Variants in EPS15 observed in about 807,000 individuals in gnomAD.
EPS15 encodes epidermal growth factor receptor substrate 15.
EPS15 carries 72 observed loss-of-function variants against 113.8 expected under a neutral mutation model. The observed-to-expected ratio is 0.63, with a 90% CI of 0.52 to 0.77. EPS15 has a LOEUF of 0.77. EPS15 is among the 30% of genes least tolerant of loss of function. The pLI, the probability that EPS15 is intolerant of heterozygous loss-of-function variation, is 0.00. For missense variants in EPS15, 1,048 were observed against 1,045.8 expected (o/e 1.00, Z -0.03); for synonymous variants, 344 against 363.4 (o/e 0.95, Z 0.61).
At position 51,451,227 on chromosome 1, in the gene EPS15, G is replaced by A. The variant is rs532563575; in HGVS notation, c.562-3092C>T. 1.2e-3 allele frequency among the ~76,000 whole-genome samples: 177 copies of A among 151,882 alleles called. 1 individual carries two copies. In the South Asian group the frequency reaches 0.035, roughly 30 times the overall value. Reference sequence around the variant, plus strand: ...AGATAGGCTGGGCGTGGTGGCTCACGCCTGTAATCCTAGCACTTTGGGAGG... The same window carrying A: ...AGATAGGCTGGGCGTGGTGGCTCACACCTGTAATCCTAGCACTTTGGGAGG... On this transcript the variant is annotated intron_variant, in intron 8 of 24. Transcript: ENST00000371733.
chr1:51,418,130 C>T (rs781284825), intron 13 of EPS15, among the ~76,000 whole-genome samples: 13 of 152,124 alleles, frequency 8.5e-5, no homozygotes, highest in Admixed American at 3.9e-4. Flanking sequence ...TTTAGACACA[C>T]GGATTTTCAA....
rs1644713952 is a variant in EPS15, at chr1:51,516,229, A to G, written c.33+2970T>C. On this transcript the variant is annotated intron_variant, in intron 1 of 24. Coordinates refer to ENST00000371733, the MANE Select transcript of EPS15 (RefSeq NM_001981.3). ...ACACTGTCTATAAAACAGGATCTTAAAAGTTGGAAAGGTCCTTAGATCAGC... is the reference window on the plus strand; with the variant it reads ...ACACTGTCTATAAAACAGGATCTTAGAAGTTGGAAAGGTCCTTAGATCAGC... Among the ~76,000 whole-genome samples, 3 of 152,218 alleles carry G rather than the reference A, an allele frequency of 2.0e-5. No individual in the cohort carries two copies. In the East Asian group the frequency reaches 5.8e-4, roughly 29 times the overall value.
intron 21 of EPS15, among the ~76,000 whole-genome samples, chr1:51,387,295 G>C (rs1647108270): frequency 6.6e-6 from 1 of 151,966 alleles, no homozygotes; most frequent in Non-Finnish European, 1.5e-5. Context: ...CACCAGACCT[G>C]CCCTAAAAGA....
At chr1:51,416,548 T>C (rs1234984911) in intron 13 of EPS15, among the ~76,000 whole-genome samples, 1 of 152,188 alleles carries the variant, frequency 6.6e-6, no homozygotes, top group Non-Finnish European at 1.5e-5. Flanking sequence ...AAGGAAAACG[T>C]CCTGTTTTCT....
At chr1:51,386,714 T>C (rs1238084691) in intron 21 of EPS15, among the ~76,000 whole-genome samples, 1 of 152,142 alleles carries the variant, frequency 6.6e-6, no homozygotes, top group East Asian at 1.9e-4. Flanking sequence ...GAAGAAAGGG[T>C]ATCAGTGATG....
intron 1 of EPS15, among the ~76,000 whole-genome samples, chr1:51,484,240 A>G (rs1030902142): frequency 3.3e-5 from 5 of 151,932 alleles, no homozygotes; most frequent in Non-Finnish European, 7.4e-5. Flanking sequence ...AGCTTAACAT[A>G]TGTCTCCGAT....
intron 12 of EPS15, among the ~76,000 whole-genome samples, chr1:51,426,447 C>G (rs1434880491): frequency 6.7e-6 from 1 of 149,014 alleles, no homozygotes; most frequent in African/African-American, 2.5e-5. Flanking sequence ...AGGTAGCAAG[C>G]CCTGGCTCCT....
At chr1:51,367,623 G>A (rs1042194609) in intron 21 of EPS15, among the ~76,000 whole-genome samples, 5 of 152,094 alleles carry the variant, frequency 3.3e-5, no homozygotes, top group African/African-American at 1.2e-4. Flanking sequence ...CCATCACATT[G>A]CACTTACCAA....
chr1:51,425,244 G>A (rs1276585504), intron 12 of EPS15, among the ~76,000 whole-genome samples: 1 of 152,196 alleles, frequency 6.6e-6, no homozygotes, highest in Non-Finnish European at 1.5e-5. Flanking sequence ...AGAAGCCTAA[G>A]GTTCATAAAT....
chr1:51,509,320 A>T (rs1644578422), intron 1 of EPS15, among the ~76,000 whole-genome samples: 1 of 152,082 alleles, frequency 6.6e-6, no homozygotes, highest in African/African-American at 2.4e-5. Context: ...GAAGTTATCA[A>T]TAATCCTTAG....
rs1350572244 is a variant in EPS15, at chr1:51,364,096, G to A, written c.2197-68C>T. 5.0e-6 allele frequency: 6 copies of A among 1,200,512 alleles called. No homozygotes were observed. In the East Asian group the frequency reaches 7.5e-5, roughly 15 times the overall value. 74.4% of individuals were successfully genotyped at this position (1,200,512 alleles called of 1,614,324 possible). On this transcript the variant is annotated intron_variant, in intron 22 of 24. Transcript: ENST00000371733. ...AATTGTGGTAGTCATGTAGCATTCAGAATAATGATTTCAGTATTATACAGT... is the reference window on the plus strand; with the variant it reads ...AATTGTGGTAGTCATGTAGCATTCAAAATAATGATTTCAGTATTATACAGT...
At chr1:51,481,244 CCAGG>C (rs1557511332) in intron 2 of EPS15, 25 bp downstream of exon 2, 2 of 1,179,036 alleles carry the variant, frequency 1.7e-6, no homozygotes, top group Middle Eastern at 1.9e-4. Flanking sequence ...AATGTTCAAT[CCAGG>C]CAAACAATGA....
intron 7 of EPS15, chr1:51,461,681 T>C (rs1654466461): frequency 6.6e-6 from 1 of 152,222 alleles, no homozygotes; most frequent in Non-Finnish European, 1.5e-5. Flanking sequence ...ATAACAACAG[T>C]GTATTTATAG....
chr1:51,424,192 T>C (rs1651016636), intron 12 of EPS15, among the ~76,000 whole-genome samples: 1 of 152,188 alleles, frequency 6.6e-6, no homozygotes, highest in African/African-American at 2.4e-5. Context: ...TATATCACTT[T>C]CTATTAAAAA....
intron 11 of EPS15, among the ~76,000 whole-genome samples, chr1:51,442,723 C>CT (rs963548386): frequency 4.6e-5 from 7 of 151,806 alleles, no homozygotes; most frequent in African/African-American, 1.7e-4. Flanking sequence ...TAGGAATTTT[C>CT]TTTTTTTTGC....
intron 8 of EPS15, among the ~76,000 whole-genome samples, chr1:51,453,421 T>C (rs566509308): frequency 1.3e-5 from 2 of 152,324 alleles, no homozygotes; most frequent in African/African-American, 4.8e-5. Flanking sequence ...CAGAATACTT[T>C]TAATACTGCT....
At position 51,356,568 on chromosome 1, in the gene EPS15, T is replaced by A; in HGVS notation, c.*132A>T. 1.4e-6 allele frequency: 1 copy of A among 699,758 alleles called. No individual in the cohort carries two copies. The highest frequency in any genetic ancestry group is 2.2e-6 in the Non-Finnish European group (1 of 464,536). 43.3% of individuals were successfully genotyped at this position (699,758 alleles called of 1,614,324 possible). A position where few individuals can be genotyped will look rare whatever the true frequency, so the allele number is the denominator to read the frequency against. On this transcript the variant is annotated 3_prime_UTR_variant, in exon 25 of 25. Transcript: ENST00000371733. ...TGAAGAAAAAAAAAAAATCCTAAAA[T>A]TTTGTCACATTTACAGGAATCTCAA...
chr1:51,394,325 AAG>A, intron 21 of EPS15, 54 bp downstream of exon 21: 1 of 1,120,394 alleles, frequency 8.9e-7, no homozygotes, highest in Non-Finnish European at 1.3e-6. Flanking sequence ...ACAAAGAAAA[AAG>A]AATCTTAAAA....
chr1:51,369,288 T>C (rs1646586613), intron 21 of EPS15, among the ~76,000 whole-genome samples: 1 of 152,186 alleles, frequency 6.6e-6, no homozygotes, highest in Non-Finnish European at 1.5e-5. Flanking sequence ...CAGATACTGA[T>C]CATGGTTGAT....
Sources: gnomAD v4.1 joint callset for allele counts (sites outside exome capture counted in the v4.1 genomes callset) on GRCh38, gnomAD v4.1.1 for gene constraint, MANE v1.5 for transcripts, NCBI Gene and HGNC (gene_info 2026-07-23, HGNC 2026-07-21) for gene names.